Variants in BCHE observed in about 807,000 individuals in gnomAD.
BCHE encodes butyrylcholinesterase.
A neutral mutation model predicts 51.3 loss-of-function variants in BCHE; 48 were observed. The ratio of observed to expected loss-of-function variants is 0.94; its 90% CI spans 0.74 to 1.19. BCHE has a LOEUF of 1.19. Ranked by LOEUF, BCHE falls within the 50% of genes most tolerant of loss-of-function variation. The probability of loss-of-function intolerance (pLI) is 0.00; values close to 1 mark genes in which losing one functional copy is unlikely to be tolerated. For synonymous variants in BCHE, 251 were observed against 238.0 expected, an observed-to-expected ratio of 1.05 and a Z score of -0.50; for missense variants, 847 against 708.2, an observed-to-expected ratio of 1.20 and a Z score of -2.23.
chr3:165,820,576 A>C (rs1267952457), intron 2 of BCHE, among the ~76,000 whole-genome samples: 1 of 152,058 alleles, frequency 6.6e-6, no homozygotes, highest in Non-Finnish European at 1.5e-5. Flanking sequence ...AGTCATGAAA[A>C]TGTTCCATTG....
chr3:165,792,834 G>T (rs544824638), intron 2 of BCHE, among the ~76,000 whole-genome samples: 30 of 152,222 alleles, frequency 2.0e-4, no homozygotes, highest in East Asian at 1.9e-3. Flanking sequence ...TAAAATGTTT[G>T]TTGTGCTGAT....
chr3:165,797,703 T>G (rs2108211686), intron 2 of BCHE, among the ~76,000 whole-genome samples: 1 of 152,204 alleles, frequency 6.6e-6, no homozygotes, highest in African/African-American at 2.4e-5. Context: ...ATTCTATCGG[T>G]TTTGCTCTTA....
chr3:165,778,659 G>C (rs1268880793), intron 3 of BCHE: 2 of 452,022 alleles, frequency 4.4e-6, no homozygotes, highest in Non-Finnish European at 8.9e-6. Context: ...TTCACTGTGA[G>C]TAAGCAGACC....
At chr3:165,789,138 T>C (rs536738090) in intron 2 of BCHE, among the ~76,000 whole-genome samples, 91 of 152,308 alleles carry the variant, frequency 6.0e-4, no homozygotes, top group African/African-American at 2.0e-3. Flanking sequence ...TTCAAAATAG[T>C]AATAACTAAA....
Position 165,831,168 on chromosome 3 carries a change from T to C in BCHE, c.-8-127A>G, listed in dbSNP as rs1280217550. On this transcript the variant is annotated intron_variant, in intron 1 of 3. Transcript: ENST00000264381. ...AAATTATGAAAACAAATAAACCTGC[T>C]TCTGTAAAGGCCTACATAGGAAAAA... 11 of 855,782 alleles carry C rather than the reference T, an allele frequency of 1.3e-5. No homozygotes were observed. The East Asian group carries it at 2.7e-4, about 21-fold the overall frequency. The allele number at this position is 855,782 out of a possible 1,614,324, so 53.0% of individuals were successfully genotyped here.
In BCHE at chr3:165,790,908, A is replaced by G. The variant is rs180743922; in HGVS notation, c.1518-4597T>C. 1.6e-4 allele frequency among the ~76,000 whole-genome samples: 24 copies of G among 152,176 alleles called. No homozygotes were observed. The East Asian group carries it at 4.5e-3, about 28-fold the overall frequency. ...TAGGAGGTGAGGTTGGAGAGGGGAC[A>G]GTAAGTTCACATTATTTAGTGCCAT... is the stretch of plus-strand genomic sequence containing the variant. On this transcript the variant is annotated intron_variant, in intron 2 of 3. Coordinates refer to ENST00000264381, the MANE Select transcript of BCHE (RefSeq NM_000055.4).
At chr3:165,836,042 T>A (rs550719264) in intron 1 of BCHE, among the ~76,000 whole-genome samples, 1 of 152,100 alleles carries the variant, frequency 6.6e-6, no homozygotes, top group Admixed American at 6.6e-5. Flanking sequence ...AGATGTGACT[T>A]GTTTAGCTAT....
chr3:165,784,184 A>T (rs1193827228), intron 3 of BCHE, among the ~76,000 whole-genome samples: 1 of 151,944 alleles, frequency 6.6e-6, no homozygotes, highest in Non-Finnish European at 1.5e-5. Context: ...TTCTCAAAAC[A>T]TTAAAGATTA....
chr3:165,790,414 T>C (rs544218920), intron 2 of BCHE, among the ~76,000 whole-genome samples: 2 of 152,170 alleles, frequency 1.3e-5, no homozygotes, highest in Non-Finnish European at 2.9e-5. Context: ...AAGTCCAAGA[T>C]GCTCTATGTG....
chr3:165,789,153 T>C (rs1349289627), intron 2 of BCHE, among the ~76,000 whole-genome samples: 5 of 152,194 alleles, frequency 3.3e-5, no homozygotes. Flanking sequence ...ACTAAAACTT[T>C]CCATGAAGTT....
At chr3:165,785,869 TAG>T (rs1712927001) in intron 3 of BCHE, among the ~76,000 whole-genome samples, 1 of 151,818 alleles carries the variant, frequency 6.6e-6, no homozygotes, top group Non-Finnish European at 1.5e-5. Context: ...GGCTCTATTT[TAG>T]TTTCCTTTTT....
At chr3:165,795,864 G>T (rs987459690) in intron 2 of BCHE, among the ~76,000 whole-genome samples, 1 of 151,966 alleles carries the variant, frequency 6.6e-6, no homozygotes, top group African/African-American at 2.4e-5. Flanking sequence ...TTCCTGACTT[G>T]TGGATTGGAA....
At chr3:165,811,668 A>G (rs567256263) in intron 2 of BCHE, among the ~76,000 whole-genome samples, 1 of 152,172 alleles carries the variant, frequency 6.6e-6, no homozygotes, top group East Asian at 1.9e-4. Flanking sequence ...ATAAAACAAT[A>G]TAATAATTTA....
intron 2 of BCHE, among the ~76,000 whole-genome samples, chr3:165,799,202 TTG>T (rs1047504797): frequency 1.3e-5 from 2 of 152,166 alleles, no homozygotes; most frequent in African/African-American, 4.8e-5. Flanking sequence ...CTATTTAGCG[TTG>T]TGTTTCCTTC....
intron 2 of BCHE, among the ~76,000 whole-genome samples, chr3:165,805,600 G>C (rs979365585): frequency 6.6e-6 from 1 of 152,072 alleles, no homozygotes; most frequent in African/African-American, 2.4e-5. Flanking sequence ...CTCTTCATAT[G>C]ATTCTGTAAG....
Position 165,786,167 on chromosome 3 carries a change from A to G in BCHE, c.1662T>C (p.Phe554=), listed in dbSNP as rs116021719. 6.2e-7 allele frequency: 1 copy of G among 1,611,700 alleles called. No homozygotes were observed. The highest frequency in any genetic ancestry group is 8.5e-7 in the Non-Finnish European group (1 of 1,178,280). The change falls in exon 3 of 4, where the codon TTT becomes TTC. Residue 554 remains phenylalanine, a synonymous_variant. Coordinates refer to ENST00000264381, the MANE Select transcript of BCHE (RefSeq NM_000055.4). ...CACCTGTCATTTCCAAGACTTTTGGAAAAAATGATGTCCAGAATCGACATT... is the reference window on the plus strand; with the variant it reads ...CACCTGTCATTTCCAAGACTTTTGGGAAAAATGATGTCCAGAATCGACATT... ...AQQCRFWTSF[F]PKVLEMTGNI... is the part of the protein sequence containing the mutation.
At chr3:165,831,718 A>G (rs1714995028) in intron 1 of BCHE, among the ~76,000 whole-genome samples, 1 of 152,180 alleles carries the variant, frequency 6.6e-6, no homozygotes. Context: ...CAAACATGCT[A>G]CCACTAGTAA....
chr3:165,798,266 T>C (rs1350700776), intron 2 of BCHE, among the ~76,000 whole-genome samples: 1 of 152,078 alleles, frequency 6.6e-6, no homozygotes, highest in East Asian at 1.9e-4. Context: ...AATCAAAGTG[T>C]GTGTCTGTGT....
intron 2 of BCHE, among the ~76,000 whole-genome samples, chr3:165,825,798 C>T (rs1714699606): frequency 6.6e-6 from 1 of 151,894 alleles, no homozygotes; most frequent in African/African-American, 2.4e-5. Flanking sequence ...TATAAGAATT[C>T]TTACAAGTCA....
Sources: allele counts gnomAD v4.1 joint callset (sites outside exome capture counted in the v4.1 genomes callset), GRCh38; gene constraint gnomAD v4.1.1; transcripts MANE v1.5; gene names NCBI Gene and HGNC (gene_info 2026-07-23, HGNC 2026-07-21).